Variants in ANO3 observed in about 807,000 individuals in gnomAD.
The protein encoded by ANO3 is anoctamin 3.
ANO3 carries 99 observed loss-of-function variants against 144.8 expected under a neutral mutation model. The observed-to-expected ratio is 0.68, with a 90% CI of 0.58 to 0.81. ANO3 has a LOEUF of 0.81. Among genes scored for constraint, ANO3 ranks in the 30% least tolerant of loss-of-function variants. ANO3 has a pLI of 0.00. For missense variants in ANO3, 905 were observed against 1,202.2 expected (o/e 0.75, Z 3.66); for synonymous variants, 414 against 392.6 (o/e 1.05, Z -0.64).
At chr11:26,331,864 A>G (rs570591840), upstream of ANO3, 44 of 187,022 alleles carry the variant, frequency 2.4e-4, no homozygotes, top group Middle Eastern at 4.5e-3. Flanking sequence ...TTACCTACCA[A>G]CTTTTAGGAA....
At chr11:26,496,042 A>G (rs920941217) in intron 4 of ANO3, among the ~76,000 whole-genome samples, 5 of 152,346 alleles carry the variant, frequency 3.3e-5, no homozygotes, top group Admixed American at 6.5e-5. Context: ...TGAAAATAGT[A>G]GGCTTTGACC....
intron 3 of ANO3, among the ~76,000 whole-genome samples, chr11:26,459,841 G>A (rs1363878051): frequency 6.6e-6 from 1 of 152,062 alleles, no homozygotes; most frequent in Non-Finnish European, 1.5e-5. Context: ...GTTTTAGCCT[G>A]TGTAACTAGA....
intron 23 of ANO3, among the ~76,000 whole-genome samples, chr11:26,643,735 AAAG>A (rs1016791922): frequency 2.0e-5 from 3 of 152,228 alleles, no homozygotes; most frequent in African/African-American, 7.2e-5. Flanking sequence ...TCAAAAAAAA[AAAG>A]AAGTGATTAA....
At chr11:26,282,865 C>T (rs1473517130) in intron 1 of ANO3, among the ~76,000 whole-genome samples, 1 of 151,954 alleles carries the variant, frequency 6.6e-6, no homozygotes, top group Non-Finnish European at 1.5e-5. Context: ...TTGTCAATGG[C>T]CATAAAACCC....
chr11:26,199,000 G>T (rs754682436), intron 1 of ANO3, among the ~76,000 whole-genome samples: 3 of 152,156 alleles, frequency 2.0e-5, no homozygotes, highest in Non-Finnish European at 4.4e-5. Flanking sequence ...GTAGTGGGAG[G>T]TTAAGTCAAA....
intron 3 of ANO3, among the ~76,000 whole-genome samples, chr11:26,457,291 TAAAAG>T (rs1859203979): frequency 1.5e-5 from 2 of 134,174 alleles, no homozygotes; most frequent in Non-Finnish European, 3.2e-5. Context: ...TATAGTATAA[TAAAAG>T]AAAAAAGAAA....
At chr11:26,429,557 T>G (rs1014339805) in intron 1 of ANO3, among the ~76,000 whole-genome samples, 2 of 151,694 alleles carry the variant, frequency 1.3e-5, no homozygotes, top group Non-Finnish European at 2.9e-5. Flanking sequence ...AATGTGTAAT[T>G]TATATTAATA....
intron 1 of ANO3, among the ~76,000 whole-genome samples, chr11:26,387,048 A>C (rs569409595): frequency 1.2e-4 from 18 of 152,056 alleles, no homozygotes; most frequent in African/African-American, 4.3e-4. Flanking sequence ...AAAAAGTCTT[A>C]TAATAATTAG....
At chr11:26,298,584 T>C (rs930263099) in intron 1 of ANO3, among the ~76,000 whole-genome samples, 1 of 152,186 alleles carries the variant, frequency 6.6e-6, no homozygotes, top group Non-Finnish European at 1.5e-5. Flanking sequence ...TGGGGCTTCA[T>C]TGAATGAAAG....
chr11:26,505,083 A>C (rs1861373443), intron 4 of ANO3, among the ~76,000 whole-genome samples: 1 of 151,898 alleles, frequency 6.6e-6, no homozygotes, highest in South Asian at 2.1e-4. Flanking sequence ...GGCTACTGCA[A>C]TAATCCAATA....
chr11:26,303,126 C>A (rs115135018), intron 1 of ANO3, among the ~76,000 whole-genome samples: 3,049 of 152,270 alleles, frequency 0.02, 91 homozygotes, highest in African/African-American at 0.066. Context: ...CTGTGGAAAA[C>A]AGTTTGGAGA....
Position 26,289,259 on chromosome 11 carries a change from C to T in ANO3, c.155-20386C>T, listed in dbSNP as rs560358446. On this transcript the variant is annotated intron_variant, in intron 1 of 27. Coordinates refer to the ANO3 transcript ENST00000672621. Reference sequence around the variant, plus strand: ...ACTTGGATTTATGTCCTGGGAACACCAGACATTTGCTCTGTTTTATTAAGC... The same window carrying T: ...ACTTGGATTTATGTCCTGGGAACACTAGACATTTGCTCTGTTTTATTAAGC... 1.1e-4 allele frequency among the ~76,000 whole-genome samples: 17 copies of T among 151,844 alleles called. 1 individual carries two copies. Among genetic ancestry groups the T allele is most frequent in the Middle Eastern group, 3.4e-3 (1 of 294 alleles).
At chr11:26,451,516 G>A (rs573354199) in intron 3 of ANO3, among the ~76,000 whole-genome samples, 107 of 152,268 alleles carry the variant, frequency 7.0e-4, no homozygotes, top group African/African-American at 2.1e-3. Context: ...ACTGCAAGGC[G>A]GCAGCAAGGC....
At position 26,361,362 on chromosome 11, in the gene ANO3, C is replaced by A. The variant is rs558145952; in HGVS notation, c.46+29041C>A. ...GTCCTATATGGTAGCAGAACAAAAG[C>A]AAACAGCATTTGGAAGAGACCTATT... On this transcript the variant is annotated intron_variant, in intron 1 of 26. Coordinates refer to ENST00000256737, the MANE Select transcript of ANO3 (RefSeq NM_031418.4). 2.0e-5 allele frequency among the ~76,000 whole-genome samples: 3 copies of A among 152,226 alleles called. No individual in the cohort carries two copies. In the East Asian group the frequency reaches 5.8e-4, roughly 29 times the overall value.
intron 4 of ANO3, among the ~76,000 whole-genome samples, chr11:26,482,765 C>T (rs1337622480): frequency 3.3e-5 from 5 of 152,062 alleles, no homozygotes; most frequent in Admixed American, 1.3e-4. Context: ...CCCCTTCTAA[C>T]CTTCTGAGTC....
At chr11:26,613,168 C>T (rs2132972999) in intron 17 of ANO3, among the ~76,000 whole-genome samples, 1 of 152,244 alleles carries the variant, frequency 6.6e-6, no homozygotes, top group East Asian at 1.9e-4. Flanking sequence ...TCATAAGTCT[C>T]ATACACTTTC....
chr11:26,319,807 T>C (rs907924942), intron 1 of ANO3, among the ~76,000 whole-genome samples: 1 of 152,216 alleles, frequency 6.6e-6, no homozygotes, highest in Non-Finnish European at 1.5e-5. Flanking sequence ...AATTTGACAA[T>C]GTTTTTAAAA....
intron 20 of ANO3, among the ~76,000 whole-genome samples, chr11:26,636,055 C>T (rs1348547172): frequency 6.6e-6 from 1 of 152,022 alleles, no homozygotes; most frequent in Non-Finnish European, 1.5e-5. Context: ...TAAAAATTAG[C>T]CGGGTGTGGT....
intron 14 of ANO3, chr11:26,565,039 G>T: frequency 1.0e-6 from 1 of 956,996 alleles, no homozygotes; most frequent in Non-Finnish European, 1.5e-6. Context: ...CCTCAAAAGT[G>T]AGAAAATCCA....
Sources: allele counts gnomAD v4.1 joint callset (sites outside exome capture counted in the v4.1 genomes callset), GRCh38; gene constraint gnomAD v4.1.1; transcripts MANE v1.5; gene names NCBI Gene and HGNC (gene_info 2026-07-23, HGNC 2026-07-21).